Variants in RBMS1 observed in about 807,000 individuals in gnomAD.
The protein encoded by RBMS1 is RNA binding motif single stranded interacting protein 1, also known as RNA-binding motif, single-stranded-interacting protein 1.
Under a neutral mutation model 62.3 loss-of-function variants are expected in RBMS1, and 17 were observed. The ratio of observed to expected loss-of-function variants is 0.27; its 90% CI spans 0.19 to 0.41. The LOEUF (loss-of-function observed/expected upper bound fraction) is 0.41, where lower values mean the gene tolerates loss of function less well. Ranked by LOEUF, RBMS1 falls within the 10% of genes least tolerant of loss-of-function variation. The probability of loss-of-function intolerance (pLI) is 1.00; values close to 1 mark genes in which losing one functional copy is unlikely to be tolerated. For missense variants in RBMS1, 334 were observed against 504.5 expected (o/e 0.66, Z 3.24); for synonymous variants, 172 against 170.0 (o/e 1.01, Z -0.09).
At chr2:160,347,219 T>C (rs968777720) in intron 2 of RBMS1, among the ~76,000 whole-genome samples, 4 of 152,156 alleles carry the variant, frequency 2.6e-5, no homozygotes, top group African/African-American at 9.7e-5. Context: ...ATGCTAAAGC[T>C]GTATTCTATT....
intron 1 of RBMS1, among the ~76,000 whole-genome samples, chr2:160,429,606 A>G (rs1250351242): frequency 4.6e-5 from 7 of 152,224 alleles, no homozygotes; most frequent in Non-Finnish European, 7.3e-5. Context: ...TAGAATAGCT[A>G]TGGTGAATAT....
chr2:160,428,482 G>A (rs1682744118), intron 1 of RBMS1, among the ~76,000 whole-genome samples: 1 of 151,834 alleles, frequency 6.6e-6, no homozygotes, highest in African/African-American at 2.4e-5. Context: ...ATAATCCTAG[G>A]TTCCACTTTC....
intron 2 of RBMS1, among the ~76,000 whole-genome samples, chr2:160,349,342 T>C (rs1296853462): frequency 1.3e-5 from 2 of 152,132 alleles, no homozygotes; most frequent in African/African-American, 4.8e-5. Context: ...CGTAGCCTGC[T>C]TCATTACAAA....
chr2:160,449,731 T>A (rs1329381127), intron 1 of RBMS1, among the ~76,000 whole-genome samples: 1 of 152,124 alleles, frequency 6.6e-6, no homozygotes, highest in Non-Finnish European at 1.5e-5. Context: ...CAGAGACCCT[T>A]GTTCCCATGT....
At chr2:160,291,046 A>G (rs1401179532) in intron 6 of RBMS1, among the ~76,000 whole-genome samples, 2 of 152,208 alleles carry the variant, frequency 1.3e-5, no homozygotes. Flanking sequence ...AATCACTTCT[A>G]GAATGCCTGC....
chr2:160,397,332 T>C (rs1695201719), intron 1 of RBMS1, among the ~76,000 whole-genome samples: 1 of 152,136 alleles, frequency 6.6e-6, no homozygotes. Flanking sequence ...TAAGCTTTCA[T>C]AAAAAGGTGA....
intron 1 of RBMS1, among the ~76,000 whole-genome samples, chr2:160,390,092 C>A (rs1335084385): frequency 6.6e-6 from 1 of 152,156 alleles, no homozygotes; most frequent in Admixed American, 6.6e-5. Flanking sequence ...AACCTGATAC[C>A]TTAATGGGTA....
At chr2:160,385,029 C>T (rs1339006320) in intron 1 of RBMS1, among the ~76,000 whole-genome samples, 2 of 152,164 alleles carry the variant, frequency 1.3e-5, no homozygotes, top group African/African-American at 2.4e-5. Flanking sequence ...GACACATCTG[C>T]TCCCACTCTG....
At chr2:160,389,870 AT>A (rs1694771071) in intron 1 of RBMS1, among the ~76,000 whole-genome samples, 2 of 151,718 alleles carry the variant, frequency 1.3e-5, no homozygotes, top group Non-Finnish European at 2.9e-5. Context: ...GGAGAGGAAA[AT>A]TTTACCAAAA....
At chr2:160,468,990 T>C (rs1404241918) in intron 1 of RBMS1, among the ~76,000 whole-genome samples, 1 of 152,152 alleles carries the variant, frequency 6.6e-6, no homozygotes, top group East Asian at 1.9e-4. Context: ...TCTAATGCCA[T>C]TTCTTGGGAA....
At chr2:160,393,215 T>C (rs1694952925) in intron 1 of RBMS1, among the ~76,000 whole-genome samples, 1 of 152,006 alleles carries the variant, frequency 6.6e-6, no homozygotes, top group Non-Finnish European at 1.5e-5. Flanking sequence ...GGAAGAAAAA[T>C]GGTCAAAATT....
chr2:160,370,918 T>G (rs1348930612), intron 1 of RBMS1, among the ~76,000 whole-genome samples: 1 of 152,212 alleles, frequency 6.6e-6, no homozygotes, highest in Non-Finnish European at 1.5e-5. Flanking sequence ...CACAGTCTGT[T>G]AAGTATTAAA....
rs547077447 is a variant in RBMS1 at position 160,449,250 on chromosome 2, G to T, written c.75+44039C>A. On this transcript the variant is annotated intron_variant, in intron 1 of 13. Transcript: ENST00000348849. ...AGCCGCCCCATCTGGGAGGGAGGTG[G>T]GGGGCGCCTCTGCCCAGCCGCCCCG... is the stretch of plus-strand genomic sequence containing the variant. Among the ~76,000 whole-genome samples, 300 of 145,868 alleles carry T rather than the reference G, an allele frequency of 2.1e-3. 2 individuals carry two copies. The highest frequency in any genetic ancestry group is 3.8e-3 in the Non-Finnish European group (250 of 66,404).
At chr2:160,345,270 G>C (rs761287610) in intron 2 of RBMS1, among the ~76,000 whole-genome samples, 1 of 152,094 alleles carries the variant, frequency 6.6e-6, no homozygotes, top group Non-Finnish European at 1.5e-5. Context: ...TACCAGAAAT[G>C]ATCAGTTTAT....
At chr2:160,480,501 A>G (rs1019185933) in intron 1 of RBMS1, among the ~76,000 whole-genome samples, 1 of 152,216 alleles carries the variant, frequency 6.6e-6, no homozygotes, top group East Asian at 1.9e-4. Flanking sequence ...TATTTAAGAA[A>G]CAAGTACTTA....
intron 2 of RBMS1, among the ~76,000 whole-genome samples, chr2:160,335,175 G>T (rs1691499167): frequency 6.6e-6 from 1 of 152,130 alleles, no homozygotes; most frequent in Non-Finnish European, 1.5e-5. Flanking sequence ...TTGAAAAGGG[G>T]ATGAGAGAAT....
chr2:160,430,400 C>T (rs1682838536), intron 1 of RBMS1, among the ~76,000 whole-genome samples: 1 of 152,224 alleles, frequency 6.6e-6, no homozygotes, highest in Admixed American at 6.5e-5. Context: ...TATAGCCATA[C>T]CATGCAGTGG....
At chr2:160,325,794 CTTGGCATGTAAAGTGGTAT>C (rs747882258) in intron 2 of RBMS1, among the ~76,000 whole-genome samples, 18 of 152,168 alleles carry the variant, frequency 1.2e-4, no homozygotes, top group Non-Finnish European at 2.1e-4. Context: ...CCTTTATTTA[CTTGGCATGTAAAGTGGTAT>C]TTGGAGATGA....
chr2:160,312,820 T>TAA (rs1367221224), intron 4 of RBMS1, among the ~76,000 whole-genome samples: 2 of 147,970 alleles, frequency 1.4e-5, no homozygotes. Context: ...ACATTTAAAT[T>TAA]TAAAAAAAAA....
Sources: allele counts gnomAD v4.1 joint callset (sites outside exome capture counted in the v4.1 genomes callset), GRCh38; gene constraint gnomAD v4.1.1; transcripts MANE v1.5; gene names NCBI Gene and HGNC (gene_info 2026-07-23, HGNC 2026-07-21).